Variants in FAM135A observed in about 807,000 individuals in gnomAD.
FAM135A encodes family with sequence similarity 135 member A.
A neutral mutation model predicts 146.8 loss-of-function variants in FAM135A; 79 were observed. The ratio of observed to expected loss-of-function variants is 0.54; its 90% CI spans 0.45 to 0.65. The LOEUF (loss-of-function observed/expected upper bound fraction) is 0.65, where lower values mean the gene tolerates loss of function less well. Ranked by LOEUF, FAM135A falls within the 30% of genes least tolerant of loss-of-function variation. The pLI is 0.00. For missense variants in FAM135A, 1,623 were observed against 1,758.2 expected, an observed-to-expected ratio of 0.92 and a Z score of 1.38; for synonymous variants, 562 against 603.6, an observed-to-expected ratio of 0.93 and a Z score of 1.01.
intron 5 of FAM135A, among the ~76,000 whole-genome samples, chr6:70,461,418 G>A (rs1161156735): frequency 3.9e-5 from 6 of 151,994 alleles, no homozygotes; most frequent in Non-Finnish European, 8.8e-5. Context: ...AAGGAATAAT[G>A]GAAAACAGTC....
chr6:70,517,329 C>T (rs1250116670), intron 12 of FAM135A, among the ~76,000 whole-genome samples: 1 of 151,772 alleles, frequency 6.6e-6, no homozygotes, highest in African/African-American at 2.4e-5. Flanking sequence ...CCAGGAGTTC[C>T]AGACCAGCCT....
At chr6:70,523,358 G>C (rs117274742) in intron 13 of FAM135A, among the ~76,000 whole-genome samples, 3 of 152,148 alleles carry the variant, frequency 2.0e-5, no homozygotes, top group Admixed American at 6.5e-5. Context: ...TATCAGGGTA[G>C]GTAGTGAGTG....
In FAM135A at chr6:70,480,901, C is replaced by G. The variant is rs1369841965; in HGVS notation, c.543C>G (p.Ser181Arg). The G allele has an allele frequency of 6.2e-7, 1 of 1,604,440 alleles. No individual in the cohort carries two copies. Among genetic ancestry groups the G allele is most frequent in the Admixed American group, 1.7e-5 (1 of 57,586 alleles). ...AATAATGTAATACTTCTTCCTCCAGCTTTCCTCGCCCTGTGAAGACAACTT... is the reference window on the plus strand; with the variant it reads ...AATAATGTAATACTTCTTCCTCCAGGTTTCCTCGCCCTGTGAAGACAACTT... ...SLVALHQPLI[S>R]FPRPVKTTWL... is the part of the protein sequence containing the mutation. Residue 181 changes from serine to arginine, a missense_variant and splice_region_variant, in exon 9 of 22, where the codon AGC becomes AGG. Ser to Arg is a moderately radical substitution (Grantham distance 110). Transcript: ENST00000418814.
Position 70,526,130 on chromosome 6 carries a change from G to A in FAM135A, c.3046G>A (p.Glu1016Lys). ...GATGTATTCAGAAATCCCTACAGTT[G>A]AAAGTGAAACTCATCTGGGTACAAG... ...TQMYSEIPTV[E>K]SETHLGTSDP... The change falls in exon 15 of 22, where the codon GAA becomes AAA. Residue 1016 changes from glutamate (E) to lysine (K), a missense_variant. Physicochemically the swap from Glu to Lys is moderately conservative, Grantham distance 56. This residue lies in a region of FAM135A where 1,061 missense variants were observed against 1,113.8 expected (regional missense o/e 0.95). Transcript: ENST00000418814. The A allele has an allele frequency of 6.8e-6, 11 of 1,613,576 alleles. No individual in the cohort carries two copies. The highest frequency in any genetic ancestry group is 9.3e-6 in the Non-Finnish European group (11 of 1,179,656).
At chr6:70,485,036 A>T (rs1441684313) in intron 10 of FAM135A, among the ~76,000 whole-genome samples, 1 of 152,208 alleles carries the variant, frequency 6.6e-6, no homozygotes, top group African/African-American at 2.4e-5. Flanking sequence ...CTTTATTCCA[A>T]ATTATTTGCT....
intron 8 of FAM135A, among the ~76,000 whole-genome samples, chr6:70,479,819 G>A (rs1470320325): frequency 6.6e-6 from 1 of 152,046 alleles, no homozygotes; most frequent in Admixed American, 6.6e-5. Context: ...GTTACTTAAA[G>A]TAAGTGGCTT....
At chr6:70,436,763 A>G (rs1256371060) in intron 4 of FAM135A, among the ~76,000 whole-genome samples, 1 of 152,258 alleles carries the variant, frequency 6.6e-6, no homozygotes, top group African/African-American at 2.4e-5. Flanking sequence ...ATAATGGATC[A>G]TAACAGTGAA....
intron 12 of FAM135A, among the ~76,000 whole-genome samples, chr6:70,512,978 ATTCT>A (rs1482517249): frequency 4.6e-4 from 68 of 149,352 alleles, no homozygotes; most frequent in Non-Finnish European, 1.5e-4. Context: ...ATGGGTCAAG[ATTCT>A]TTCTTTTTTT....
chr6:70,534,171 ACT>A (rs2128408312), intron 18 of FAM135A, among the ~76,000 whole-genome samples: 1 of 151,502 alleles, frequency 6.6e-6, no homozygotes, highest in East Asian at 1.9e-4. Flanking sequence ...GAGAGTTAAA[ACT>A]CTGTGAATAT....
At chr6:70,457,782 T>C (rs745742328) in intron 5 of FAM135A, among the ~76,000 whole-genome samples, 1 of 152,180 alleles carries the variant, frequency 6.6e-6, no homozygotes, top group Non-Finnish European at 1.5e-5. Flanking sequence ...TAATTAATGT[T>C]ATTTACAAAG....
intron 4 of FAM135A, among the ~76,000 whole-genome samples, chr6:70,445,950 T>G (rs1302536195): frequency 6.6e-6 from 1 of 152,240 alleles, no homozygotes; most frequent in East Asian, 1.9e-4. Context: ...GGAGTCAGGA[T>G]CTGCATCTGC....
intron 11 of FAM135A, among the ~76,000 whole-genome samples, chr6:70,496,718 A>G (rs528930941): frequency 1.1e-4 from 16 of 151,994 alleles, no homozygotes; most frequent in African/African-American, 3.1e-4. Context: ...AGTTTTCTGC[A>G]TATGGCTAGC....
chr6:70,502,741 C>G lies in FAM135A; in HGVS notation c.979C>G (p.Leu327Val), dbSNP rs1788858217. The change falls in exon 12 of 22, where the codon CTA becomes GTA. Residue 327 changes from leucine (L) to valine (V), a missense_variant. Physicochemically the swap from Leu to Val is conservative, Grantham distance 32. This residue lies in a region of FAM135A where 206 missense variants were observed against 194.7 expected (regional missense o/e 1.06). Transcript: ENST00000418814. ...LWGQFLEVIT[L>V]HEELRILLAQ... Reference sequence around the variant, plus strand: ...GGGACAGTTTCTGGAAGTTATAACGCTACACGAAGAACTAAGAATATTATT... The same window carrying G: ...GGGACAGTTTCTGGAAGTTATAACGGTACACGAAGAACTAAGAATATTATT... 6.2e-7 allele frequency: 1 copy of G among 1,612,822 alleles called. No homozygotes were observed. The highest frequency in any genetic ancestry group is 8.5e-7 in the Non-Finnish European group (1 of 1,179,312).
At chr6:70,427,140 AT>A (rs1474641013) in intron 3 of FAM135A, among the ~76,000 whole-genome samples, 1 of 152,170 alleles carries the variant, frequency 6.6e-6, no homozygotes, top group African/African-American at 2.4e-5. Flanking sequence ...GATAAGGATG[AT>A]TGTTATAATT....
At chr6:70,507,426 T>C (rs1323375243) in intron 12 of FAM135A, among the ~76,000 whole-genome samples, 1 of 152,132 alleles carries the variant, frequency 6.6e-6, no homozygotes, top group African/African-American at 2.4e-5. Flanking sequence ...ATAAAGTATA[T>C]AGGCTGTCTG....
At chr6:70,418,451 T>C (rs1768022130) in intron 2 of FAM135A, 1 of 152,466 alleles carries the variant, frequency 6.6e-6, no homozygotes, top group Non-Finnish European at 1.5e-5. Context: ...TGCCTCAGCT[T>C]CCTGAGTAGC....
intron 15 of FAM135A, 42 bp downstream of exon 15, chr6:70,526,740 CAT>C (rs370453074): frequency 2.2e-4 from 232 of 1,036,066 alleles, no homozygotes; most frequent in African/African-American, 1.4e-3. Context: ...TAAATATATA[CAT>C]ATATATATAC....
intron 4 of FAM135A, among the ~76,000 whole-genome samples, chr6:70,429,358 C>T (rs1260762627): frequency 6.6e-6 from 1 of 151,602 alleles, no homozygotes; most frequent in Non-Finnish European, 1.5e-5. Flanking sequence ...ACTAAAAATA[C>T]AAAAATTAGC....
intron 10 of FAM135A, among the ~76,000 whole-genome samples, chr6:70,483,467 T>C (rs1004303452): frequency 6.6e-6 from 1 of 152,244 alleles, no homozygotes; most frequent in Non-Finnish European, 1.5e-5. Context: ...TTTTCCTTGC[T>C]ACTTTATGTT....
Sources: allele counts gnomAD v4.1 joint callset (sites outside exome capture counted in the v4.1 genomes callset), GRCh38; gene constraint gnomAD v4.1.1; regional missense constraint gnomAD v4.1.1; transcripts MANE v1.5; gene names NCBI Gene and HGNC (gene_info 2026-07-23, HGNC 2026-07-21).